RBL1: variants seen among roughly 807,000 people sequenced by gnomAD.
RBL1 encodes retinoblastoma-like protein 1.
In RBL1, 82 loss-of-function variants were observed where a neutral mutation model predicts 123.0. The observed-to-expected ratio is 0.67, with a 90% CI of 0.56 to 0.80. The LOEUF (loss-of-function observed/expected upper bound fraction) is 0.80, where lower values mean the gene tolerates loss of function less well. Ranked by LOEUF, RBL1 falls within the 30% of genes least tolerant of loss-of-function variation. The pLI, the probability that RBL1 is intolerant of heterozygous loss-of-function variation, is 0.00. For synonymous variants in RBL1, 405 were observed against 441.3 expected (o/e 0.92, Z 1.03); for missense variants, 1,171 against 1,299.6 (o/e 0.90, Z 1.52).
intron 2 of RBL1, among the ~76,000 whole-genome samples, chr20:37,078,136 T>C (rs2065393728): frequency 6.6e-6 from 1 of 152,200 alleles, no homozygotes; most frequent in Admixed American, 6.6e-5. Context: ...ACAAGAGTAT[T>C]ACCTAAGTGA....
chr20:37,007,642 G>T (rs2064095821), intron 19 of RBL1, 83 bp from the exon 20 acceptor site: 1 of 1,392,716 alleles, frequency 7.2e-7, no homozygotes, highest in Admixed American at 2.1e-5. Context: ...ACCCAGGGTG[G>T]AGTGCAGTGG....
At chr20:37,038,685 C>T (rs1201776520) in intron 14 of RBL1, among the ~76,000 whole-genome samples, 2 of 150,206 alleles carry the variant, frequency 1.3e-5, no homozygotes, top group Non-Finnish European at 3.0e-5. Context: ...TCACTGCAAC[C>T]TCTGCCTCCC....
At chr20:37,066,298 T>C (rs1449678471) in intron 6 of RBL1, among the ~76,000 whole-genome samples, 9 of 152,234 alleles carry the variant, frequency 5.9e-5, no homozygotes, top group Admixed American at 5.9e-4. Context: ...TATCATGGAT[T>C]TTCTGCTCGA....
rs2063917703 is a variant in RBL1 at position 36,998,856 on chromosome 20, C to T, written c.3110G>A (p.Ser1037Asn). The change falls in exon 22 of 22, where the codon AGT becomes AAT. Residue 1037 changes from serine (S) to asparagine (N), a missense_variant. Coordinates refer to ENST00000373664, the MANE Select transcript of RBL1 (RefSeq NM_002895.5). ...RTKKRVIAID[S>N]DAESPAKRVC... ...GCGTTTGGCAGGGGATTCTGCATCACTATCGATGGCTATTACTCGCTTCTT... is the reference window on the plus strand; with the variant it reads ...GCGTTTGGCAGGGGATTCTGCATCATTATCGATGGCTATTACTCGCTTCTT... 6.2e-7 allele frequency: 1 copy of T among 1,613,140 alleles called. No homozygotes were observed. Among genetic ancestry groups the T allele is most frequent in the Admixed American group, 1.7e-5 (1 of 59,984 alleles).
chr20:37,064,353 G>A (rs1036903398), intron 7 of RBL1, among the ~76,000 whole-genome samples: 3 of 151,530 alleles, frequency 2.0e-5, no homozygotes, highest in African/African-American at 7.3e-5. Flanking sequence ...GGCCAGGATG[G>A]TCTCAATCTC....
At chr20:37,049,252 A>G (rs1022527540) in intron 11 of RBL1, 7 of 520,372 alleles carry the variant, frequency 1.3e-5, no homozygotes, top group Non-Finnish European at 2.4e-5. Context: ...CGCCATCTGC[A>G]AATGCAGATT....
At chr20:37,038,643 G>A (rs936111484) in intron 14 of RBL1, among the ~76,000 whole-genome samples, 6 of 126,684 alleles carry the variant, frequency 4.7e-5, no homozygotes, top group South Asian at 2.7e-4. Context: ...CGCTCTGTCC[G>A]CCAGGCTGGG....
rs746560730 is a variant in RBL1 at position 37,066,789 on chromosome 20, C to G, written c.781G>C (p.Val261Leu). 1.2e-6 allele frequency: 2 copies of G among 1,613,500 alleles called. No homozygotes were observed. The highest frequency in any genetic ancestry group is 2.2e-5 in the South Asian group (2 of 91,064). The part of the protein sequence containing the change: ...VLCELHDGLL[V>L]EAKGIKEHYF... Reference sequence around the variant, plus strand: ...TGCTCCTTTATTCCTTTTGCTTCTACGAGAAGTCCATCATGCAGTTCACAC... The same window carrying G: ...TGCTCCTTTATTCCTTTTGCTTCTAGGAGAAGTCCATCATGCAGTTCACAC... The change falls in exon 6 of 22, where the codon GTA (valine) becomes CTA (leucine). Residue 261 changes from valine to leucine, a missense_variant. Transcript: ENST00000373664.
intron 19 of RBL1, among the ~76,000 whole-genome samples, chr20:37,009,151 G>A (rs2064116802): frequency 6.6e-6 from 1 of 152,040 alleles, no homozygotes; most frequent in Middle Eastern, 3.4e-3. Flanking sequence ...CAGCCTCCTG[G>A]GTAGCTGGGA....
intron 2 of RBL1, 74 bp from the exon 3 acceptor site, chr20:37,068,260 AT>A: frequency 6.8e-7 from 1 of 1,476,942 alleles, no homozygotes; most frequent in Non-Finnish European, 9.0e-7. Flanking sequence ...GAAATATTCT[AT>A]TCATGACTAA....
At chr20:37,089,268 C>T in intron 1 of RBL1, 146 bp from the exon 2 acceptor site, 1 of 737,942 alleles carries the variant, frequency 1.4e-6, no homozygotes, top group Non-Finnish European at 2.0e-6. Context: ...TGCCCAAGGT[C>T]ACAAAGCTGT....
In RBL1 at chr20:37,003,815, A is replaced by G; in HGVS notation, c.2923T>C (p.Ser975Pro). 6.2e-7 allele frequency: 1 copy of G among 1,613,960 alleles called. No homozygotes were observed. Among genetic ancestry groups the G allele is most frequent in the South Asian group, 1.1e-5 (1 of 91,058 alleles). ...TGCTGCTGGGAAATGCGGCGTGGTG[A>G]GCCTGGCTGTTGTTTAATATGTGGA... is the stretch of plus-strand genomic sequence containing the variant. ...PFPHIKQQPG[S>P]PRRISQQHSI... The change falls in exon 21 of 22, where the codon TCA becomes CCA. Residue 975 changes from serine (S) to proline (P), a missense_variant. Transcript: ENST00000373664.
intron 19 of RBL1, among the ~76,000 whole-genome samples, chr20:37,013,278 T>C (rs1200982890): frequency 6.6e-6 from 1 of 151,982 alleles, no homozygotes; most frequent in Non-Finnish European, 1.5e-5. Flanking sequence ...CCTGTTGATC[T>C]GTGACCTTAC....
intron 15 of RBL1, among the ~76,000 whole-genome samples, chr20:37,033,565 T>C (rs1227705867): frequency 6.6e-6 from 1 of 151,740 alleles, no homozygotes; most frequent in Non-Finnish European, 1.5e-5. Context: ...TCTGCCTGCC[T>C]TGGCCTCCCA....
chr20:37,041,305 T>C (rs1326369731), intron 13 of RBL1, among the ~76,000 whole-genome samples: 1 of 152,226 alleles, frequency 6.6e-6, no homozygotes, highest in Non-Finnish European at 1.5e-5. Context: ...CACACATTTT[T>C]AATTTTTATT....
intron 14 of RBL1, 45 bp downstream of exon 14, chr20:37,040,108 A>G: frequency 6.2e-7 from 1 of 1,602,776 alleles, no homozygotes; most frequent in Non-Finnish European, 8.5e-7. Context: ...AAAAAGCCAA[A>G]TGCCCTTTGT....
chr20:37,070,522 G>A (rs983259832), intron 2 of RBL1, among the ~76,000 whole-genome samples: 1 of 150,706 alleles, frequency 6.6e-6, no homozygotes, highest in Non-Finnish European at 1.5e-5. Flanking sequence ...TTAGTTTGAG[G>A]GAAAACAGAA....
intron 2 of RBL1, among the ~76,000 whole-genome samples, chr20:37,082,541 C>T (rs1466004887): frequency 6.6e-6 from 1 of 152,072 alleles, no homozygotes; most frequent in African/African-American, 2.4e-5. Context: ...CTGTGAGTTC[C>T]ACATCCATGG....
intron 16 of RBL1, among the ~76,000 whole-genome samples, chr20:37,023,300 T>G (rs2064372381): frequency 6.6e-6 from 1 of 152,116 alleles, no homozygotes; most frequent in South Asian, 2.1e-4. Flanking sequence ...TTTTTGTATT[T>G]TTAGTAGAGA....
Sources: gnomAD v4.1 joint callset for allele counts (sites outside exome capture counted in the v4.1 genomes callset) on GRCh38, gnomAD v4.1.1 for gene constraint, MANE v1.5 for transcripts, NCBI Gene and HGNC (gene_info 2026-07-23, HGNC 2026-07-21) for gene names.